Variants in KLHL25 observed in about 807,000 individuals in gnomAD.
KLHL25 encodes kelch like family member 25, also known as kelch-like protein 25.
In KLHL25, 41 loss-of-function variants were observed where a neutral mutation model predicts 30.0. The ratio of observed to expected loss-of-function variants is 1.37; its 90% confidence interval spans 1.07 to 1.78. The LOEUF (loss-of-function observed/expected upper bound fraction) is 1.78, where lower values mean the gene tolerates loss of function less well. KLHL25 is among the 40% of genes most tolerant of loss of function. The pLI is 0.00. For missense variants in KLHL25, 971 were observed against 824.5 expected, an observed-to-expected ratio of 1.18 and a Z score of -2.18; for synonymous variants, 399 against 355.3, an observed-to-expected ratio of 1.12 and a Z score of -1.38.
At position 85,788,262 on chromosome 15, in the gene KLHL25, C is replaced by A. The variant is rs542404848; in HGVS notation, c.-11+6504G>T. 2.0e-5 allele frequency among the ~76,000 whole-genome samples: 3 copies of A among 152,296 alleles called. No homozygotes were observed. The South Asian group carries it at 6.2e-4, about 32-fold the overall frequency. On this transcript the variant is annotated intron_variant, in intron 1 of 2. Transcript: ENST00000337975. ...CAGCCTTTGCACGAGCTGTGCTACC[C>A]ACCTGGCAGGCCTTTCTCTGATCCT...
At chr15:85,766,293 T>C (rs1303275787) in intron 2 of KLHL25, among the ~76,000 whole-genome samples, 1 of 152,098 alleles carries the variant, frequency 6.6e-6, no homozygotes, top group Non-Finnish European at 1.5e-5. Context: ...GGAGGCAGAG[T>C]GCACCCAGGG....
Position 85,769,669 on chromosome 15 carries a change from C to T in KLHL25, c.142G>A (p.Val48Ile), listed in dbSNP as rs759868504. ...GCACGGTCGCCCGCCCAGAGTGTGACGTCGGTGAACATGCAGTGCTTGCGA... is the reference window on the plus strand; with the variant it reads ...GCACGGTCGCCCGCCCAGAGTGTGATGTCGGTGAACATGCAGTGCTTGCGA... Reference protein sequence around the residue: ...TLRKHCMFTDVTLWAGDRAFP... With the variant: ...TLRKHCMFTDITLWAGDRAFP... The change falls in exon 2 of 3, where the codon GTC (valine) becomes ATC (isoleucine). Residue 48 changes from valine (V) to isoleucine (I), a missense_variant. Coordinates refer to ENST00000337975, the MANE Select transcript of KLHL25 (RefSeq NM_022480.4). 19 of 1,613,816 alleles carry T rather than the reference C, an allele frequency of 1.2e-5. No homozygotes were observed. The South Asian group carries it at 1.8e-4, about 15-fold the overall frequency.
At chr15:85,777,356 A>C (rs2089716398) in intron 1 of KLHL25, among the ~76,000 whole-genome samples, 1 of 152,248 alleles carries the variant, frequency 6.6e-6, no homozygotes, top group Non-Finnish European at 1.5e-5. Flanking sequence ...CAAGATCAAC[A>C]GTGCCACCAA....
At chr15:85,762,396 G>A (rs1233565175) in intron 2 of KLHL25, 1 of 152,514 alleles carries the variant, frequency 6.6e-6, no homozygotes, top group South Asian at 2.1e-4. Flanking sequence ...GACAGCTAGA[G>A]GCACAGGGGT....
At chr15:85,782,525 C>T (rs1014804133) in intron 1 of KLHL25, among the ~76,000 whole-genome samples, 1 of 151,762 alleles carries the variant, frequency 6.6e-6, no homozygotes, top group African/African-American at 2.4e-5. Context: ...CTCCCCCTCC[C>T]TTCCTCTCAT....
Position 85,760,446 on chromosome 15 carries a change from G to C in KLHL25, c.*590C>G, listed in dbSNP as rs2007514. 4 of 152,168 alleles carry C rather than the reference G, an allele frequency of 2.6e-5. No individual in the cohort carries two copies. Among genetic ancestry groups the C allele is most frequent in the Admixed American group, 6.5e-5 (1 of 15,284 alleles). The allele number at this position is 152,168 out of a possible 1,614,324, so 9.4% of individuals were successfully genotyped here. On this transcript the variant is annotated 3_prime_UTR_variant, in exon 3 of 3. Transcript: ENST00000337975. ...GGGCCCACAAACCTTGGAGGTCTGGGTGTCCTTTGCTAATAAGGCCTCATG... is the reference window on the plus strand; with the variant it reads ...GGGCCCACAAACCTTGGAGGTCTGGCTGTCCTTTGCTAATAAGGCCTCATG...
intron 2 of KLHL25, chr15:85,763,415 C>T (rs2089597114): frequency 6.6e-6 from 1 of 152,256 alleles, no homozygotes; most frequent in Non-Finnish European, 1.5e-5. Context: ...CCTGACTCAC[C>T]ATTCATGTGA....
At chr15:85,772,469 A>C (rs1567239945) in intron 1 of KLHL25, among the ~76,000 whole-genome samples, 1 of 152,194 alleles carries the variant, frequency 6.6e-6, no homozygotes, top group Non-Finnish European at 1.5e-5. Flanking sequence ...TGGACACTCC[A>C]AGTGTGGGGT....
At chr15:85,779,043 C>A (rs1000873477) in intron 1 of KLHL25, among the ~76,000 whole-genome samples, 1 of 147,038 alleles carries the variant, frequency 6.8e-6, no homozygotes, top group African/African-American at 2.5e-5. Flanking sequence ...TCCTCACCAA[C>A]AATTTTTTTT....
chr15:85,774,243 C>T (rs992149902), intron 1 of KLHL25, among the ~76,000 whole-genome samples: 1 of 152,142 alleles, frequency 6.6e-6, no homozygotes, highest in Non-Finnish European at 1.5e-5. Context: ...ATGACCTAAG[C>T]GTCGTCCTGA....
In KLHL25 at chr15:85,768,586, C is replaced by A; in HGVS notation, c.1225G>T (p.Val409Phe). 2 of 1,611,528 alleles carry A rather than the reference C, an allele frequency of 1.2e-6. No individual in the cohort carries two copies. The highest frequency in any genetic ancestry group is 1.7e-6 in the Non-Finnish European group (2 of 1,178,100). ...TATTTCTCCACTTGTTTCAGGGAGA[C>A]AGAAGGCGAGGCCGGGAAGACCCCT... The part of the protein sequence containing the change: ...LAGVFPASPS[V>F]SLKQVEKYDP... Residue 409 changes from valine to phenylalanine, a missense_variant, in exon 2 of 3, where the codon GTC becomes TTC. By Grantham distance (50) the Val-to-Phe change is conservative (BLOSUM62 -1). Coordinates refer to ENST00000337975, the MANE Select transcript of KLHL25 (RefSeq NM_022480.4).
intron 1 of KLHL25, chr15:85,770,446 G>A (rs779539851): frequency 3.8e-6 from 2 of 522,978 alleles, no homozygotes; most frequent in East Asian, 1.1e-4. Context: ...TCTGCCCTGG[G>A]CCGGGCTCCA....
At chr15:85,765,540 C>T (rs2089615225) in intron 2 of KLHL25, among the ~76,000 whole-genome samples, 6 of 149,826 alleles carry the variant, frequency 4.0e-5, no homozygotes, top group East Asian at 4.0e-4. Flanking sequence ...GAAGGAGAAT[C>T]GCTTGAACCC....
At chr15:85,791,852 G>A (rs1269875171) in intron 1 of KLHL25, among the ~76,000 whole-genome samples, 2 of 152,198 alleles carry the variant, frequency 1.3e-5, no homozygotes, top group African/African-American at 4.8e-5. Flanking sequence ...TGAGGTTAAG[G>A]AACTTGATCA....
intron 2 of KLHL25, among the ~76,000 whole-genome samples, chr15:85,765,557 C>G (rs555400584): frequency 2.0e-5 from 3 of 147,678 alleles, no homozygotes; most frequent in Non-Finnish European, 4.4e-5. Flanking sequence ...ACCCAGGAGG[C>G]AGAGGTTGCA....
At chr15:85,777,708 C>T (rs1263964498) in intron 1 of KLHL25, among the ~76,000 whole-genome samples, 1 of 152,218 alleles carries the variant, frequency 6.6e-6, no homozygotes, top group African/African-American at 2.4e-5. Flanking sequence ...ACGCCTTCTC[C>T]ACTCCAGAGG....
chr15:85,792,357 A>G (rs2089823249), intron 1 of KLHL25, among the ~76,000 whole-genome samples: 1 of 152,236 alleles, frequency 6.6e-6, no homozygotes. Context: ...TATGAAATTT[A>G]CCACATTAGA....
At chr15:85,783,390 A>C (rs540609598) in intron 1 of KLHL25, among the ~76,000 whole-genome samples, 16 of 151,904 alleles carry the variant, frequency 1.1e-4, no homozygotes, top group African/African-American at 3.9e-4. Context: ...CACTGTGCCC[A>C]GCCATATTTA....
At chr15:85,787,850 G>A (rs934814433) in intron 1 of KLHL25, among the ~76,000 whole-genome samples, 6 of 152,244 alleles carry the variant, frequency 3.9e-5, no homozygotes, top group Non-Finnish European at 5.9e-5. Flanking sequence ...AGATACAAAG[G>A]AGGGGATGGA....
Sources: allele counts gnomAD v4.1 joint callset (sites outside exome capture counted in the v4.1 genomes callset), GRCh38; gene constraint gnomAD v4.1.1; transcripts MANE v1.5; gene names NCBI Gene and HGNC (gene_info 2026-07-23, HGNC 2026-07-21).